DPY19L4: variants seen among roughly 807,000 people sequenced by gnomAD.
DPY19L4 encodes the protein dpy-19 like 4.
In DPY19L4, 97 loss-of-function variants were observed where a neutral mutation model predicts 102.8. The ratio of observed to expected loss-of-function variants is 0.94; its 90% CI spans 0.80 to 1.12. The LOEUF is 1.12. Ranked by LOEUF, DPY19L4 falls within the 50% of genes most tolerant of loss-of-function variation. The pLI is 0.00. For missense variants in DPY19L4, 815 were observed against 850.4 expected, an observed-to-expected ratio of 0.96 and a Z score of 0.52; for synonymous variants, 252 against 283.1, an observed-to-expected ratio of 0.89 and a Z score of 1.10.
In DPY19L4 at chr8:94,747,013, AT is replaced by A. The variant is rs143416927; in HGVS notation, c.611+7234del. The stretch of plus-strand genomic sequence containing the variant: ...TGGCTCTGTTAGTCTACTACAAACA[AT>A]TTTTTTTTTTACCATAGTGATCAGA... On this transcript the variant is annotated intron_variant, in intron 6 of 18. Coordinates refer to ENST00000414645, the MANE Select transcript of DPY19L4 (RefSeq NM_181787.3). 7.3e-4 allele frequency among the ~76,000 whole-genome samples: 108 copies of A among 148,578 alleles called. 1 individual carries two copies. The South Asian group carries it at 0.019, about 26-fold the overall frequency.
Position 94,787,899 on chromosome 8 carries a change from C to A in DPY19L4, c.1854C>A (p.Tyr618Ter), listed in dbSNP as rs1813720991. 7.3e-7 allele frequency: 1 copy of A among 1,372,148 alleles called. No homozygotes were observed. The highest frequency in any genetic ancestry group is 1.5e-5 in the African/African-American group (1 of 66,562). The allele number at this position is 1,372,148 out of a possible 1,614,324, so 85.0% of individuals were successfully genotyped here. The change falls in exon 18 of 19, where the codon TAC becomes TAA. Residue 618 changes from tyrosine (Y) to a stop codon, truncating the protein, a stop_gained. Coordinates refer to ENST00000414645, the MANE Select transcript of DPY19L4 (RefSeq NM_181787.3). LOFTEE classifies it high-confidence loss of function. ...TTTTAATTATATTCTTTCAGATCTACCAAATCTATTCAAAGCGATCTGCTG... is the reference window on the plus strand; with the variant it reads ...TTTTAATTATATTCTTTCAGATCTAACAAATCTATTCAAAGCGATCTGCTG... ...DDLLKRNENI[Y>*]QIYSKRSAED... is the part of the protein sequence containing the mutation.
chr8:94,729,368 T>C (rs920393510), intron 2 of DPY19L4, among the ~76,000 whole-genome samples: 1 of 146,462 alleles, frequency 6.8e-6, no homozygotes, highest in Non-Finnish European at 1.5e-5. Context: ...TGAGACTCCG[T>C]CTTAAAACAC....
At chr8:94,764,808 C>A (rs1286687098) in intron 8 of DPY19L4, among the ~76,000 whole-genome samples, 3 of 139,368 alleles carry the variant, frequency 2.2e-5, no homozygotes, top group Non-Finnish European at 3.0e-5. Flanking sequence ...TGGCTCACCG[C>A]AACCTCCACC....
intron 8 of DPY19L4, 67 bp from the exon 9 acceptor site, chr8:94,765,116 A>G (rs1812610775): frequency 2.6e-6 from 3 of 1,154,922 alleles, no homozygotes; most frequent in South Asian, 3.2e-5. Context: ...AAATCTATAT[A>G]AAACAAATGA....
intron 8 of DPY19L4, among the ~76,000 whole-genome samples, chr8:94,764,164 G>A (rs1053001957): frequency 2.0e-5 from 3 of 152,130 alleles, no homozygotes; most frequent in Non-Finnish European, 4.4e-5. Context: ...GTAATTTGAG[G>A]TTGCATAGAT....
At chr8:94,765,137 G>T in intron 8 of DPY19L4, 46 bp from the exon 9 acceptor site, 1 of 1,270,754 alleles carries the variant, frequency 7.9e-7, no homozygotes, top group South Asian at 1.4e-5. Flanking sequence ...AAATATGTAT[G>T]ATAAAATATA....
At chr8:94,755,036 C>T (rs992558360) in intron 6 of DPY19L4, among the ~76,000 whole-genome samples, 2 of 152,258 alleles carry the variant, frequency 1.3e-5, no homozygotes, top group Admixed American at 1.3e-4. Context: ...GATCCACCTG[C>T]CTCAGCCTCC....
chr8:94,789,658 CATATAA>C, intron 18 of DPY19L4, 82 bp from the exon 19 acceptor site: 1 of 1,177,166 alleles, frequency 8.5e-7, no homozygotes, highest in Non-Finnish European at 1.2e-6. Context: ...TGTGTTTTTT[CATATAA>C]ATATACTCAT....
intron 2 of DPY19L4, among the ~76,000 whole-genome samples, chr8:94,729,198 G>T (rs760914131): frequency 7.2e-5 from 11 of 151,820 alleles, no homozygotes; most frequent in African/African-American, 2.7e-4. Flanking sequence ...GTGAAATCCC[G>T]TCTCTACTAA....
In DPY19L4 at chr8:94,766,653, C is replaced by G; in HGVS notation, c.1143C>G (p.Phe381Leu). Reference sequence around the variant, plus strand: ...AAGAAAATGGGCACATGCTGAAATTCCTTGAAGTAAAATTTGGACTAAATA... The same window carrying G: ...AAGAAAATGGGCACATGCTGAAATTGCTTGAAGTAAAATTTGGACTAAATA... Reference protein sequence around the residue: ...PHKENGHMLKFLEVKFGLNMT... With the variant: ...PHKENGHMLKLLEVKFGLNMT... The change falls in exon 11 of 19, where the codon TTC (phenylalanine) becomes TTG (leucine). Residue 381 changes from phenylalanine to leucine, a missense_variant. By Grantham distance (22) the Phe-to-Leu change is conservative (BLOSUM62 0). Transcript: ENST00000414645. 1.2e-6 allele frequency: 2 copies of G among 1,613,686 alleles called. No homozygotes were observed. The highest frequency in any genetic ancestry group is 1.7e-6 in the Non-Finnish European group (2 of 1,179,806).
At chr8:94,740,101 AG>A (rs1337572142) in intron 6 of DPY19L4, among the ~76,000 whole-genome samples, 1 of 152,244 alleles carries the variant, frequency 6.6e-6, no homozygotes, top group African/African-American at 2.4e-5. Flanking sequence ...GAATTCTGCT[AG>A]TAGCCAATGA....
chr8:94,755,596 A>G (rs1466196830), intron 6 of DPY19L4, among the ~76,000 whole-genome samples: 1 of 152,218 alleles, frequency 6.6e-6, no homozygotes, highest in Non-Finnish European at 1.5e-5. Flanking sequence ...GATGCTGTAT[A>G]GACAATGGTG....
intron 13 of DPY19L4, among the ~76,000 whole-genome samples, chr8:94,770,887 CAA>C (rs899563303): frequency 1.5e-4 from 20 of 136,830 alleles, no homozygotes; most frequent in Admixed American, 1.0e-3. Context: ...AAGACCCCGT[CAA>C]AAAAAAAAGT....
intron 18 of DPY19L4, 21 bp downstream of exon 18, chr8:94,788,073 TTA>T: frequency 1.5e-6 from 2 of 1,319,836 alleles, no homozygotes; most frequent in Non-Finnish European, 2.0e-6. Context: ...ATTTGGAAAG[TTA>T]TATATATGTA....
At chr8:94,748,376 C>G (rs1486847184) in intron 6 of DPY19L4, among the ~76,000 whole-genome samples, 2 of 152,164 alleles carry the variant, frequency 1.3e-5, no homozygotes, top group African/African-American at 4.8e-5. Flanking sequence ...CTTCCTGGTC[C>G]TGGGCTGATG....
At chr8:94,775,233 G>A (rs1306168282) in intron 13 of DPY19L4, among the ~76,000 whole-genome samples, 4 of 151,110 alleles carry the variant, frequency 2.6e-5, no homozygotes, top group East Asian at 1.9e-4. Context: ...GGCTGGAGGC[G>A]CCATCTCGAC....
intron 2 of DPY19L4, among the ~76,000 whole-genome samples, chr8:94,733,922 T>C (rs62524282): frequency 0.097 from 14,764 of 152,232 alleles, 822 homozygotes; most frequent in Admixed American, 0.13. Context: ...CTCCCACATA[T>C]GGAGTTTCCC....
chr8:94,783,929 T>G, intron 17 of DPY19L4, 127 bp downstream of exon 17: 4 of 1,080,304 alleles, frequency 3.7e-6, no homozygotes, highest in Non-Finnish European at 5.1e-6. Context: ...GTTAATTAAC[T>G]TCCATTTTAA....
chr8:94,769,609 T>G (rs1039111492), intron 12 of DPY19L4, among the ~76,000 whole-genome samples: 1 of 151,856 alleles, frequency 6.6e-6, no homozygotes, highest in African/African-American at 2.4e-5. Flanking sequence ...TCCAACAATT[T>G]GAGAGGCTGA....
Sources: allele counts gnomAD v4.1 joint callset (sites outside exome capture counted in the v4.1 genomes callset), GRCh38; gene constraint gnomAD v4.1.1; transcripts MANE v1.5; gene names NCBI Gene and HGNC (gene_info 2026-07-23, HGNC 2026-07-21).